CORO2A: variants seen among roughly 807,000 people sequenced by gnomAD.
CORO2A encodes coronin-2A.
CORO2A carries 47 observed loss-of-function variants against 62.4 expected under a neutral mutation model. The ratio of observed to expected loss-of-function variants is 0.75; its 90% CI spans 0.60 to 0.96. The LOEUF is 0.96. CORO2A is among the 40% of genes least tolerant of loss of function. The probability of loss-of-function intolerance (pLI) is 0.00; values close to 1 mark genes in which losing one functional copy is unlikely to be tolerated. For synonymous variants in CORO2A, 273 were observed against 268.9 expected (o/e 1.02, Z -0.15); for missense variants, 610 against 684.1 (o/e 0.89, Z 1.21).
intron 8 of CORO2A, among the ~76,000 whole-genome samples, chr9:98,129,088 A>AT (rs1473401975): frequency 6.6e-6 from 1 of 152,114 alleles, no homozygotes; most frequent in Admixed American, 6.5e-5. Flanking sequence ...ATGCACCTCA[A>AT]TTTTTTTATT....
intron 5 of CORO2A, 87 bp downstream of exon 5, chr9:98,132,951 C>T: frequency 6.8e-7 from 1 of 1,465,646 alleles, no homozygotes; most frequent in Non-Finnish European, 9.4e-7. Context: ...CTGACAGCAT[C>T]ACTGTCCTGT....
At chr9:98,169,536 T>C (rs1326037116) in intron 1 of CORO2A, among the ~76,000 whole-genome samples, 1 of 151,980 alleles carries the variant, frequency 6.6e-6, no homozygotes, top group East Asian at 1.9e-4. Flanking sequence ...GCCCTGCACT[T>C]TCCCTTAAAA....
intron 2 of CORO2A, among the ~76,000 whole-genome samples, chr9:98,144,348 G>T (rs1827613933): frequency 6.6e-6 from 1 of 152,168 alleles, no homozygotes; most frequent in Non-Finnish European, 1.5e-5. Flanking sequence ...TGCAGAGGCT[G>T]GGGCTCAGAG....
At chr9:98,134,400 C>G (rs1043845184) in intron 4 of CORO2A, among the ~76,000 whole-genome samples, 1 of 152,018 alleles carries the variant, frequency 6.6e-6, no homozygotes, top group African/African-American at 2.4e-5. Flanking sequence ...GGGTTCCCCC[C>G]AAAACTCATG....
At position 98,126,552 on chromosome 9, in the gene CORO2A, A is replaced by G; in HGVS notation, c.1443T>C (p.Asn481=). The change falls in exon 11 of 12, where the codon AAT becomes AAC. Residue 481 remains asparagine, a synonymous_variant. Transcript: ENST00000375077. The part of the protein sequence containing the change: ...VFECPPPKTE[N]ELLQMFYRQQ... ...CCCACCCCGTCCTCCTTCACACCTC[A>G]TTCTCTGTCTTTGGTGGGGGGCATT... 1.2e-6 allele frequency: 2 copies of G among 1,612,378 alleles called. No individual in the cohort carries two copies. The highest frequency in any genetic ancestry group is 1.7e-4 in the Middle Eastern group (1 of 6,050).
chr9:98,172,303 C>T lies in CORO2A; in HGVS notation c.1-14643G>A, dbSNP rs1201826616. ...TGAGCTCGACCCCACGCCCCACTTCCGAGCTCAGCCCCACACCCCACTTCC... is the reference window on the plus strand; with the variant it reads ...TGAGCTCGACCCCACGCCCCACTTCTGAGCTCAGCCCCACACCCCACTTCC... On this transcript the variant is annotated intron_variant, in intron 1 of 11. Coordinates refer to ENST00000375077, the MANE Select transcript of CORO2A (RefSeq NM_052820.4). 1.6e-4 allele frequency among the ~76,000 whole-genome samples: 20 copies of T among 128,398 alleles called. No homozygotes were observed. In the South Asian group the frequency reaches 3.7e-3, roughly 24 times the overall value. 84.2% of individuals were successfully genotyped at this position (128,398 alleles called of 152,430 possible).
chr9:98,157,460 C>G lies in CORO2A; in HGVS notation c.201G>C (p.Gln67His), dbSNP rs977989720. 2 of 1,614,008 alleles carry G rather than the reference C, an allele frequency of 1.2e-6. No individual in the cohort carries two copies. Among genetic ancestry groups the G allele is most frequent in the African/African-American group, 1.3e-5 (1 of 74,944 alleles). ...GGAFLVIPLH[Q>H]TGKLDPHYPK... The stretch of plus-strand genomic sequence containing the variant: ...TGTTTGGGCCTGGGGGTGTCCTTAC[C>G]TGGTGCAGGGGGATGACGAGGAAGG... The change falls in exon 2 of 12, where the codon CAG (glutamine) becomes CAC (histidine). Residue 67 changes from glutamine to histidine, a missense_variant and splice_region_variant. Transcript: ENST00000375077.
In CORO2A at chr9:98,128,182, C is replaced by T. The variant is rs781664363; in HGVS notation, c.1159G>A (p.Gly387Arg). 66 of 1,613,152 alleles carry T rather than the reference C, an allele frequency of 4.1e-5. No homozygotes were observed. The highest frequency in any genetic ancestry group is 3.2e-4 in the South Asian group (29 of 90,862). The part of the protein sequence containing the change: ...PSLTAQEWLS[G>R]MNRDPILVSL... ...CTGCCTTCCTCACCTCGATTCATCCCGCTGAGCCACTCCTGGGCCGTCAGG... is the reference window on the plus strand; with the variant it reads ...CTGCCTTCCTCACCTCGATTCATCCTGCTGAGCCACTCCTGGGCCGTCAGG... Residue 387 changes from glycine (G) to arginine (R), a missense_variant, in exon 10 of 12, where the codon GGG (glycine) becomes AGG (arginine). By Grantham distance (125) the Gly-to-Arg change is moderately radical. Coordinates refer to ENST00000375077, the MANE Select transcript of CORO2A (RefSeq NM_052820.4).
intron 2 of CORO2A, among the ~76,000 whole-genome samples, chr9:98,138,220 G>T (rs1407402859): frequency 1.3e-5 from 2 of 151,964 alleles, no homozygotes; most frequent in Non-Finnish European, 2.9e-5. Flanking sequence ...TTCGAGACCA[G>T]CCTGGCCAAC....
intron 1 of CORO2A, among the ~76,000 whole-genome samples, chr9:98,189,249 A>G (rs1828276290): frequency 6.6e-6 from 1 of 152,226 alleles, no homozygotes; most frequent in Non-Finnish European, 1.5e-5. Flanking sequence ...CCACAGAAGC[A>G]AAGTCACCTA....
chr9:98,144,545 G>T (rs1827616768), intron 2 of CORO2A, among the ~76,000 whole-genome samples: 1 of 152,186 alleles, frequency 6.6e-6, no homozygotes, highest in African/African-American at 2.4e-5. Context: ...ACAATCCTGG[G>T]CTATAGGAGC....
chr9:98,181,180 C>A (rs966818199), intron 1 of CORO2A, among the ~76,000 whole-genome samples: 9 of 151,074 alleles, frequency 6.0e-5, no homozygotes, highest in Non-Finnish European at 5.9e-5. Context: ...TGTCCCCCAG[C>A]GCGACTCCCT....
At chr9:98,140,287 T>C (rs1827547577) in intron 2 of CORO2A, among the ~76,000 whole-genome samples, 3 of 152,198 alleles carry the variant, frequency 2.0e-5, no homozygotes, top group Admixed American at 2.0e-4. Context: ...GAGGGGCTGA[T>C]TGCAAGGTGA....
At chr9:98,185,626 G>T (rs909729963) in intron 1 of CORO2A, among the ~76,000 whole-genome samples, 1 of 152,226 alleles carries the variant, frequency 6.6e-6, no homozygotes, top group Non-Finnish European at 1.5e-5. Context: ...TCTGTCTGCA[G>T]TGGGCTCAAT....
In CORO2A at chr9:98,128,569, T is replaced by TCC. The variant is rs756372826; in HGVS notation, c.1080+36_1080+37dup. The TCC allele has an allele frequency of 3.5e-5, 55 of 1,576,338 alleles. No individual in the cohort carries two copies. The South Asian group carries it at 6.0e-4, about 17-fold the overall frequency. Reference sequence around the variant, plus strand: ...TGGGTCTGTCTTCTCCAGGACAGGTTCCCCACCTGCCTCCCATGCGGTCCC... The same window carrying TCC: ...TGGGTCTGTCTTCTCCAGGACAGGTTCCCCCCACCTGCCTCCCATGCGGTCCC... On this transcript the variant is annotated intron_variant, in intron 9 of 11. Coordinates refer to ENST00000375077, the MANE Select transcript of CORO2A (RefSeq NM_052820.4).
At chr9:98,178,272 C>T (rs997683146) in intron 1 of CORO2A, among the ~76,000 whole-genome samples, 2 of 152,180 alleles carry the variant, frequency 1.3e-5, no homozygotes, top group Admixed American at 1.3e-4. Context: ...GTATCAAACT[C>T]CTAGCCTCAA....
intron 1 of CORO2A, among the ~76,000 whole-genome samples, chr9:98,189,018 A>G (rs1410809098): frequency 2.6e-5 from 4 of 152,110 alleles, no homozygotes; most frequent in African/African-American, 9.7e-5. Context: ...GCAAGCTCAT[A>G]ATCACACCTT....
intron 8 of CORO2A, 142 bp from the exon 9 acceptor site, chr9:98,128,861 G>A: frequency 1.6e-6 from 1 of 638,484 alleles, no homozygotes; most frequent in Non-Finnish European, 2.9e-6. Context: ...CCGACACTGG[G>A]CTGGGCCCTA....
intron 1 of CORO2A, among the ~76,000 whole-genome samples, chr9:98,179,416 A>C (rs979947541): frequency 2.0e-5 from 3 of 152,064 alleles, no homozygotes; most frequent in Non-Finnish European, 2.9e-5. Flanking sequence ...TCCTGCTCCT[A>C]TCTCTCATCC....
Sources: allele counts gnomAD v4.1 joint callset (sites outside exome capture counted in the v4.1 genomes callset), GRCh38; gene constraint gnomAD v4.1.1; transcripts MANE v1.5; gene names NCBI Gene and HGNC (gene_info 2026-07-23, HGNC 2026-07-21).